Variants in ATG2B observed in about 807,000 individuals in gnomAD.
The protein encoded by ATG2B is autophagy-related protein 2 homolog B.
In ATG2B, 121 loss-of-function variants were observed where a neutral mutation model predicts 241.3. The ratio of observed to expected loss-of-function variants is 0.50; its 90% confidence interval spans 0.43 to 0.58. The LOEUF (loss-of-function observed/expected upper bound fraction) is 0.58, where lower values mean the gene tolerates loss of function less well. Among genes scored for constraint, ATG2B ranks in the 20% least tolerant of loss-of-function variants. The pLI is 0.00. For missense variants in ATG2B, 2,306 were observed against 2,491.6 expected (o/e 0.93, Z 1.59); for synonymous variants, 858 against 876.6 (o/e 0.98, Z 0.37).
chr14:96,352,614 TAA>T (rs141081900), intron 1 of ATG2B, among the ~76,000 whole-genome samples: 1 of 144,348 alleles, frequency 6.9e-6, no homozygotes, highest in African/African-American at 2.5e-5. Context: ...GTTTAAAAAT[TAA>T]AAAAAAAAAT....
At chr14:96,343,621 GA>G (rs1473195868) in intron 4 of ATG2B, among the ~76,000 whole-genome samples, 2 of 151,924 alleles carry the variant, frequency 1.3e-5, no homozygotes, top group African/African-American at 2.4e-5. Context: ...TAAATTGAGA[GA>G]AAAAAATTAA....
intron 1 of ATG2B, among the ~76,000 whole-genome samples, 173 bp downstream of exon 1, chr14:96,362,642 C>T (rs938458876): frequency 2.6e-5 from 4 of 152,366 alleles, no homozygotes; most frequent in Non-Finnish European, 4.4e-5. Flanking sequence ...GGAGAGCAAA[C>T]TTGTTAGAAA....
At chr14:96,318,677 C>T (rs557730110) in intron 18 of ATG2B, among the ~76,000 whole-genome samples, 1 of 152,264 alleles carries the variant, frequency 6.6e-6, no homozygotes, top group East Asian at 1.9e-4. Flanking sequence ...TATGTCATAC[C>T]TAGGCTGTCA....
chr14:96,345,683 C>G (rs946081916), intron 2 of ATG2B, among the ~76,000 whole-genome samples: 2 of 152,030 alleles, frequency 1.3e-5, no homozygotes, highest in Non-Finnish European at 2.9e-5. Flanking sequence ...AATGGATATC[C>G]TACAGATGCA....
At chr14:96,355,081 C>T (rs1347535624) in intron 1 of ATG2B, among the ~76,000 whole-genome samples, 1 of 152,146 alleles carries the variant, frequency 6.6e-6, no homozygotes, top group Non-Finnish European at 1.5e-5. Context: ...TTCTCCCATT[C>T]TGTAGGCTGT....
At chr14:96,322,491 T>C (rs749095258) in intron 17 of ATG2B, 49 bp downstream of exon 17, 3 of 1,540,526 alleles carry the variant, frequency 1.9e-6, no homozygotes, top group Non-Finnish European at 2.6e-6. Context: ...CATTGCTCTA[T>C]GACAGAGAAT....
chr14:96,363,057 CGCG>C lies in ATG2B; in HGVS notation c.-84_-82del. The C allele has an allele frequency of 6.5e-7, 1 of 1,544,646 alleles. No homozygotes were observed. The highest frequency in any genetic ancestry group is 1.7e-5 in the Admixed American group (1 of 57,248). Reference sequence around the variant, plus strand: ...CGGGGTAGCGACTCCGGCTCCAGGCCGCGGCGGGGCCTAAGCCTGGGGCGGCCC... The same window carrying C: ...CGGGGTAGCGACTCCGGCTCCAGGCCGCGGGGCCTAAGCCTGGGGCGGCCC... On this transcript the variant is annotated 5_prime_UTR_variant, in exon 1 of 42. Coordinates refer to ENST00000359933, the MANE Select transcript of ATG2B (RefSeq NM_018036.7).
At chr14:96,320,206 T>C (rs1022741714) in intron 18 of ATG2B, among the ~76,000 whole-genome samples, 5 of 152,202 alleles carry the variant, frequency 3.3e-5, no homozygotes, top group African/African-American at 1.2e-4. Context: ...GACATCTCTC[T>C]AGTAGAGCTG....
rs1350065132 is a variant in ATG2B, at chr14:96,328,501, T to G, written c.2009A>C (p.Lys670Thr). Residue 670 changes from lysine (K) to threonine (T), a missense_variant, in exon 14 of 42, where the codon AAG (lysine) becomes ACG (threonine). This residue lies in a region of ATG2B where 1,927 missense variants were observed against 2,011.2 expected (regional missense o/e 0.96). Coordinates refer to ENST00000359933, the MANE Select transcript of ATG2B (RefSeq NM_018036.7). The stretch of plus-strand genomic sequence containing the variant: ...ATTTAATTTAATTTGCAATTCTGCC[T>G]TGTGAGGAACTGAACTAAGTCTTGC... ...NQARLSSVPH[K>T]AELQIKLNPV... is the part of the protein sequence containing the mutation. 9.9e-6 allele frequency: 16 copies of G among 1,612,656 alleles called. No homozygotes were observed. Among genetic ancestry groups the G allele is most frequent in the Non-Finnish European group, 1.4e-5 (16 of 1,179,740 alleles).
At chr14:96,316,820 T>C (rs1887325898) in intron 20 of ATG2B, 137 bp from the exon 21 acceptor site, 2 of 688,022 alleles carry the variant, frequency 2.9e-6, no homozygotes, top group South Asian at 2.0e-5. Context: ...CCTTGAACTA[T>C]TCAATATCAT....
At chr14:96,328,124 A>G (rs1887631882) in intron 14 of ATG2B, among the ~76,000 whole-genome samples, 1 of 152,136 alleles carries the variant, frequency 6.6e-6, no homozygotes, top group Non-Finnish European at 1.5e-5. Flanking sequence ...CATAACCATC[A>G]TTTTAAATGA....
chr14:96,292,352 T>C (rs1055832142), intron 36 of ATG2B, among the ~76,000 whole-genome samples: 10 of 152,196 alleles, frequency 6.6e-5, no homozygotes, highest in Non-Finnish European at 1.2e-4. Context: ...GTTACGTCTA[T>C]ATAGTGTAGG....
chr14:96,349,359 A>G (rs1888254588), intron 1 of ATG2B, among the ~76,000 whole-genome samples: 1 of 152,238 alleles, frequency 6.6e-6, no homozygotes, highest in Non-Finnish European at 1.5e-5. Flanking sequence ...TGCATGTTAA[A>G]GCGTCTGAAA....
In ATG2B at chr14:96,325,857, T is replaced by C. The variant is rs372166077; in HGVS notation, c.2229A>G (p.Val743=). 5.0e-6 allele frequency: 8 copies of C among 1,613,938 alleles called. No homozygotes were observed. The highest frequency in any genetic ancestry group is 6.8e-6 in the Non-Finnish European group (8 of 1,179,982). ...GGTTTAATGCTGGTGTGGCAACTTG[T>C]ACTGATATCCGACAATTTGCAGGAC... The part of the protein sequence containing the change: ...SHSPANCRIS[V]QVATPALNLS... Residue 743 remains valine, a synonymous_variant, in exon 15 of 42, where the codon GTA becomes GTG. Transcript: ENST00000359933.
rs1886458304 is a variant in ATG2B at position 96,290,609 on chromosome 14, A to C, written c.5702-19T>G. On this transcript the variant is annotated intron_variant, in intron 39 of 41. Transcript: ENST00000359933. This position sits in a 1 kb window ranked among gnomAD's most constrained non-coding sequence, Gnocchi z 4.4. ...CCTTGTACTACAACAGTCAACACAA[A>C]ATCAACATCAGTGCCACAGTTCAGA... The C allele has an allele frequency of 1.2e-6, 2 of 1,612,652 alleles. No homozygotes were observed. The highest frequency in any genetic ancestry group is 2.7e-5 in the African/African-American group (2 of 74,842).
chr14:96,333,690 C>T lies in ATG2B; in HGVS notation c.1205G>A (p.Arg402His), dbSNP rs183527316. The T allele has an allele frequency of 5.4e-3, 8,642 of 1,612,198 alleles. 29 individuals are homozygous for T. Among genetic ancestry groups the T allele is most frequent in the Non-Finnish European group, 6.4e-3 (7,510 of 1,179,212 alleles). ...ETETARTPSS[R>H]EEEVFFSMAD... ...TGTCAACAGTTTGAGTTGCTTACCA[C>T]GGCTAGAAGGTGTACGAGCTGTTTC... is the stretch of plus-strand genomic sequence containing the variant. Residue 402 changes from arginine to histidine, a missense_variant and splice_region_variant, in exon 8 of 42, where the codon CGT (arginine) becomes CAT (histidine). By Grantham distance (29) the Arg-to-His change is conservative. Around this residue, in one of 2 missense-constraint regions of ATG2B, gnomAD observed 1,927 missense variants for 2,011.2 expected, o/e 0.96. Transcript: ENST00000359933.
chr14:96,305,000 G>A (rs1233607479), intron 31 of ATG2B, among the ~76,000 whole-genome samples: 2 of 152,186 alleles, frequency 1.3e-5, no homozygotes, highest in South Asian at 2.1e-4. Flanking sequence ...AAAGTTGGAC[G>A]TGTTTTAAAG....
chr14:96,324,968 T>A (rs530349809), intron 15 of ATG2B, among the ~76,000 whole-genome samples: 48 of 152,274 alleles, frequency 3.2e-4, no homozygotes, highest in African/African-American at 1.2e-3. Context: ...AACCACAGGA[T>A]AAAAGGTTTT....
At chr14:96,326,385 C>T (rs991459789) in intron 14 of ATG2B, among the ~76,000 whole-genome samples, 12 of 152,134 alleles carry the variant, frequency 7.9e-5, no homozygotes, top group African/African-American at 2.9e-4. Flanking sequence ...GCTGACTCAA[C>T]TTTGTACTTC....
Sources: gnomAD v4.1 joint callset for allele counts (sites outside exome capture counted in the v4.1 genomes callset) on GRCh38, gnomAD v4.1.1 for gene constraint, gnomAD v4.1.1 regional missense constraint, Gnocchi (gnomAD v3.1) non-coding constraint, MANE v1.5 for transcripts, NCBI Gene and HGNC (gene_info 2026-07-23, HGNC 2026-07-21) for gene names.